NAV1: variants seen among roughly 807,000 people sequenced by gnomAD.
The protein encoded by NAV1 is neuron navigator 1, also known as pore membrane and/or filament interacting like protein 3.
A neutral mutation model predicts 175.2 loss-of-function variants in NAV1; 18 were observed. That is an observed-to-expected ratio of 0.10 (90% CI 0.07 to 0.15). The LOEUF (loss-of-function observed/expected upper bound fraction) is 0.15, where lower values mean the gene tolerates loss of function less well. NAV1 is among the 10% of genes least tolerant of loss of function. NAV1 has a pLI of 1.00. For synonymous variants in NAV1, 897 were observed against 978.7 expected, an observed-to-expected ratio of 0.92 and a Z score of 1.56; for missense variants, 1,731 against 2,436.6, an observed-to-expected ratio of 0.71 and a Z score of 6.10.
chr1:201,753,214 G>T (rs913752577), intron 3 of NAV1, among the ~76,000 whole-genome samples: 1 of 152,108 alleles, frequency 6.6e-6, no homozygotes. Flanking sequence ...TTTTAAAATG[G>T]TCTATTTTGG....
chr1:201,641,437 C>G (rs12401304), intron 2 of NAV1, among the ~76,000 whole-genome samples: 2 of 152,164 alleles, frequency 1.3e-5, no homozygotes, highest in Non-Finnish European at 2.9e-5. Context: ...CCTACCAAGG[C>G]TCCCATCTCA....
intron 2 of NAV1, among the ~76,000 whole-genome samples, chr1:201,590,975 C>G (rs1486293371): frequency 6.6e-6 from 1 of 152,172 alleles, no homozygotes; most frequent in Non-Finnish European, 1.5e-5. Flanking sequence ...TATCGTTCAG[C>G]ATACTTAGCA....
At chr1:201,557,710 ATAGC>A (rs1666071891) in intron 1 of NAV1, among the ~76,000 whole-genome samples, 1 of 152,234 alleles carries the variant, frequency 6.6e-6, no homozygotes, top group Non-Finnish European at 1.5e-5. Context: ...AAGCCCAGAA[ATAGC>A]TGGCTGAGAT....
intron 1 of NAV1, among the ~76,000 whole-genome samples, chr1:201,625,521 T>C (rs1411659190): frequency 6.6e-6 from 1 of 152,258 alleles, no homozygotes; most frequent in African/African-American, 2.4e-5. Context: ...CTGACTGTAC[T>C]GCCTGCAAAG....
intron 1 of NAV1, 117 bp from the exon 4 acceptor site, chr1:201,629,287 G>A (rs762070633): frequency 3.5e-5 from 21 of 592,146 alleles, no homozygotes; most frequent in Non-Finnish European, 5.0e-5. Context: ...CCTGAGTGGT[G>A]CAGGGCACTA....
chr1:201,774,816 C>A (rs533140741), intron 3 of NAV1, among the ~76,000 whole-genome samples: 20 of 152,176 alleles, frequency 1.3e-4, no homozygotes, highest in Admixed American at 1.2e-3. Flanking sequence ...AAGCGTTTTT[C>A]TTTTCATAAG....
At chr1:201,570,540 A>C (rs977590159) in intron 1 of NAV1, among the ~76,000 whole-genome samples, 1 of 152,254 alleles carries the variant, frequency 6.6e-6, no homozygotes, top group Non-Finnish European at 1.5e-5. Flanking sequence ...GGGTGTGGTG[A>C]AACAACCAGA....
At chr1:201,556,768 T>C (rs1037286229) in intron 1 of NAV1, among the ~76,000 whole-genome samples, 8 of 152,220 alleles carry the variant, frequency 5.3e-5, no homozygotes, top group Non-Finnish European at 2.9e-5. Flanking sequence ...GGGCCCTCTC[T>C]GGAGAAATGC....
chr1:201,666,634 C>G (rs1231849039), intron 1 of NAV1, among the ~76,000 whole-genome samples: 2 of 152,186 alleles, frequency 1.3e-5, no homozygotes, highest in East Asian at 1.9e-4. Flanking sequence ...CCCCAGCAGC[C>G]CACATCCTTG....
At chr1:201,742,866 T>C (rs1247549214) in intron 3 of NAV1, among the ~76,000 whole-genome samples, 1 of 131,698 alleles carries the variant, frequency 7.6e-6, no homozygotes, top group Non-Finnish European at 1.8e-5. Context: ...AACCTCTTCC[T>C]GCAAAGCCCC....
intron 3 of NAV1, among the ~76,000 whole-genome samples, chr1:201,735,085 G>T (rs905998101): frequency 1.4e-4 from 22 of 152,088 alleles, no homozygotes; most frequent in Admixed American, 1.4e-3. Context: ...GCTGGGATTA[G>T]GGCTGAGCTC....
chr1:201,793,784 T>C lies in NAV1; in HGVS notation c.3322-8T>C, dbSNP rs561819248. 1 of 1,613,210 alleles carries C rather than the reference T, an allele frequency of 6.2e-7. No individual in the cohort carries two copies. Among genetic ancestry groups the C allele is most frequent in the South Asian group, 1.1e-5 (1 of 90,624 alleles). Reference sequence around the variant, plus strand: ...CAACTTAGCAATCTCTTTCTGTGTTTGTTTCAGGCTAATCTGGTGGCTGCT... The same window carrying C: ...CAACTTAGCAATCTCTTTCTGTGTTCGTTTCAGGCTAATCTGGTGGCTGCT... On this transcript the variant is annotated splice_polypyrimidine_tract_variant and splice_region_variant and intron_variant, in intron 13 of 29. Coordinates refer to ENST00000367296, the Ensembl canonical transcript of NAV1.
chr1:201,690,826 AG>A (rs1210046115), intron 1 of NAV1, among the ~76,000 whole-genome samples: 4 of 152,294 alleles, frequency 2.6e-5, no homozygotes, highest in Admixed American at 2.6e-4. Context: ...CCAGGTCAGC[AG>A]GTCTTTGCTT....
chr1:201,756,828 CTTT>C (rs1674515361), intron 3 of NAV1, among the ~76,000 whole-genome samples: 3 of 21,314 alleles, frequency 1.4e-4, no homozygotes, highest in African/African-American at 1.8e-4. Context: ...TTCTTTCTTT[CTTT>C]CTTTCTTTCT....
chr1:201,643,159 T>TCTTCCCTTTCTTCCCTTC (rs1668860225), intron 2 of NAV1, among the ~76,000 whole-genome samples: 1 of 147,980 alleles, frequency 6.8e-6, no homozygotes, highest in Admixed American at 6.7e-5. Flanking sequence ...TCTCTCTCTT[T>TCTTCCCTTTCTTCCCTTC]CTTCCCTTTC....
chr1:201,665,590 A>ACCCCCCCCCCCCCCCCCC (rs3053790), intron 1 of NAV1, among the ~76,000 whole-genome samples: 2 of 128,534 alleles, frequency 1.6e-5, no homozygotes, highest in Non-Finnish European at 3.3e-5. Flanking sequence ...AGAGCACCCC[A>ACCCCCCCCCCCCCCCCCC]CCCCCCCCAC....
At chr1:201,620,682 T>C (rs1030956632), upstream of NAV1, among the ~76,000 whole-genome samples, 13 of 152,078 alleles carry the variant, frequency 8.5e-5, no homozygotes, top group African/African-American at 3.1e-4. Context: ...TTGGTCAGGC[T>C]GGTCTCAAAC....
chr1:201,559,755 T>C (rs974614903), intron 1 of NAV1, among the ~76,000 whole-genome samples: 5 of 152,168 alleles, frequency 3.3e-5, no homozygotes, highest in African/African-American at 1.2e-4. Flanking sequence ...AAAGGCGGTG[T>C]AGAGGGATTC....
chr1:201,585,397 T>C (rs894097858), intron 1 of NAV1, among the ~76,000 whole-genome samples: 3 of 152,100 alleles, frequency 2.0e-5, no homozygotes, highest in Non-Finnish European at 4.4e-5. Flanking sequence ...TTGATCTACA[T>C]GAACATAGGA....
Sources: allele counts gnomAD v4.1 joint callset (sites outside exome capture counted in the v4.1 genomes callset), GRCh38; gene constraint gnomAD v4.1.1; transcripts MANE v1.5; gene names NCBI Gene and HGNC (gene_info 2026-07-23, HGNC 2026-07-21).